Variants in TUBGCP4 observed in about 807,000 individuals in gnomAD.
TUBGCP4 encodes gamma-tubulin complex component 4.
TUBGCP4 carries 54 observed loss-of-function variants against 91.6 expected under a neutral mutation model. The ratio of observed to expected loss-of-function variants is 0.59; its 90% CI spans 0.47 to 0.74. The LOEUF is 0.74. TUBGCP4 is among the 30% of genes least tolerant of loss of function. The probability of loss-of-function intolerance (pLI) is 0.00; values close to 1 mark genes in which losing one functional copy is unlikely to be tolerated. For missense variants in TUBGCP4, 593 were observed against 800.9 expected (o/e 0.74, Z 3.13); for synonymous variants, 297 against 302.8 (o/e 0.98, Z 0.20).
intron 15 of TUBGCP4, chr15:43,402,470 GA>G (rs1191045676): frequency 6.6e-6 from 1 of 152,500 alleles, no homozygotes; most frequent in Admixed American, 6.5e-5. Context: ...AAAAACCAAT[GA>G]AAAGCATATA....
chr15:43,378,779 A>G (rs753761420), intron 5 of TUBGCP4, among the ~76,000 whole-genome samples: 3 of 152,230 alleles, frequency 2.0e-5, no homozygotes, highest in Non-Finnish European at 4.4e-5. Flanking sequence ...GCACTGTGCT[A>G]AGTGCTTTAA....
intron 5 of TUBGCP4, among the ~76,000 whole-genome samples, chr15:43,379,413 G>A (rs1469277870): frequency 2.6e-5 from 4 of 152,094 alleles, no homozygotes; most frequent in South Asian, 2.1e-4. Flanking sequence ...AGGCCGAGGC[G>A]GGCGGACCAC....
At chr15:43,404,014 T>G (rs1037754927) in intron 16 of TUBGCP4, 8 of 568,878 alleles carry the variant, frequency 1.4e-5, no homozygotes, top group African/African-American at 1.3e-4. Flanking sequence ...CAGTCCTGAA[T>G]AGTTTATTCA....
intron 17 of TUBGCP4, 27 bp from the exon 18 acceptor site, chr15:43,405,175 T>G: frequency 6.2e-7 from 1 of 1,613,978 alleles, no homozygotes; most frequent in South Asian, 1.1e-5. Flanking sequence ...GCATGACACT[T>G]AATAAGGCTC....
chr15:43,383,849 G>T (rs1039336921), intron 7 of TUBGCP4, among the ~76,000 whole-genome samples: 1 of 151,876 alleles, frequency 6.6e-6, no homozygotes, highest in African/African-American at 2.4e-5. Flanking sequence ...CGCCCAGGCT[G>T]GAGTGCGATG....
In TUBGCP4 at chr15:43,400,109, G is replaced by T; in HGVS notation, c.1484G>T (p.Trp495Leu). The part of the protein sequence containing the change: ...RRVQAELQHC[W>L]ALQMQRKHLK... The stretch of plus-strand genomic sequence containing the variant: ...GTGCAAGCTGAGCTGCAGCACTGCT[G>T]GGCCCTACAAATGCAGCGCAAGCAC... The change falls in exon 14 of 18, where the codon TGG becomes TTG. Residue 495 changes from tryptophan to leucine, a missense_variant. Physicochemically the swap from Trp to Leu is moderately conservative, Grantham distance 61. Transcript: ENST00000564079. 6.2e-7 allele frequency: 1 copy of T among 1,614,174 alleles called. No individual in the cohort carries two copies. Among genetic ancestry groups the T allele is most frequent in the Non-Finnish European group, 8.5e-7 (1 of 1,180,026 alleles).
In TUBGCP4 at chr15:43,409,116, G is replaced by A. The variant is rs374117172; in HGVS notation, c.*3902G>A. ...GTTACACTGCAAGAAAAGAAGCAGA[G>A]CCAATGGGTTTGGTGACTTCTGTGG... On this transcript the variant is annotated 3_prime_UTR_variant, in exon 18 of 18. Transcript: ENST00000564079. 3.7e-6 allele frequency: 6 copies of A among 1,612,596 alleles called. No homozygotes were observed. Among genetic ancestry groups the A allele is most frequent in the African/African-American group, 1.3e-5 (1 of 74,902 alleles).
chr15:43,398,993 T>C (rs1409652339), intron 13 of TUBGCP4: 1 of 349,168 alleles, frequency 2.9e-6, no homozygotes, highest in East Asian at 8.0e-5. Flanking sequence ...TTATAATCCC[T>C]TATAATATCC....
In TUBGCP4 at chr15:43,387,007, G is replaced by A. The variant is rs142755671; in HGVS notation, c.1014+677G>A. Among the ~76,000 whole-genome samples, 558 of 152,246 alleles carry A rather than the reference G, an allele frequency of 3.7e-3. 3 individuals carry two copies. Among genetic ancestry groups the A allele is most frequent in the African/African-American group, 0.012 (519 of 41,532 alleles). On this transcript the variant is annotated intron_variant, in intron 9 of 17. Transcript: ENST00000564079. ...TCAGCATTTTGGATCTGTCTCTATC[G>A]TTTGCAATAACTCCTAGGAATCAAC... is the stretch of plus-strand genomic sequence containing the variant.
chr15:43,405,116 G>C, intron 17 of TUBGCP4, 86 bp from the exon 18 acceptor site: 1 of 1,474,070 alleles, frequency 6.8e-7, no homozygotes, highest in Admixed American at 1.7e-5. Context: ...ACATTATTTA[G>C]ATCACAGGTT....
In TUBGCP4 at chr15:43,408,544, C is replaced by T. The variant is rs1277550642; in HGVS notation, c.*3330C>T. ...CTTCTTTCTATGAATGATCTGTATT[C>T]CTTGCATTCCTGGCTTTCTAATTTC... is the stretch of plus-strand genomic sequence containing the variant. On this transcript the variant is annotated 3_prime_UTR_variant, in exon 18 of 18. Coordinates refer to ENST00000564079, the MANE Select transcript of TUBGCP4 (RefSeq NM_014444.5). The T allele has an allele frequency of 3.2e-6, 1 of 312,800 alleles. No individual in the cohort carries two copies. Among genetic ancestry groups the T allele is most frequent in the Non-Finnish European group, 6.1e-6 (1 of 164,504 alleles). The allele number at this position is 312,800 out of a possible 1,614,324, so 19.4% of individuals were successfully genotyped here. A position where few individuals can be genotyped will look rare whatever the true frequency, so the allele number is the denominator to read the frequency against.
In TUBGCP4 at chr15:43,409,713, C is replaced by G; in HGVS notation, c.*4499C>G. 4.5e-6 allele frequency: 7 copies of G among 1,560,316 alleles called. No homozygotes were observed. The highest frequency in any genetic ancestry group is 6.1e-6 in the Non-Finnish European group (7 of 1,155,250). On this transcript the variant is annotated 3_prime_UTR_variant, in exon 18 of 18. Transcript: ENST00000564079. ...CTCGAAGCTGGGATTCTGTATACTG[C>G]TTGTTGAAAGGAGGAATTTCCAAAA...
chr15:43,397,000 A>C (rs531976908), intron 11 of TUBGCP4, among the ~76,000 whole-genome samples: 38 of 152,204 alleles, frequency 2.5e-4, no homozygotes, highest in Non-Finnish European at 5.1e-4. Context: ...GAAATATGTG[A>C]ACTGTACTGA....
chr15:43,384,295 T>C (rs1335851990), intron 7 of TUBGCP4, among the ~76,000 whole-genome samples: 1 of 152,188 alleles, frequency 6.6e-6, no homozygotes, highest in East Asian at 1.9e-4. Flanking sequence ...GCTCATAGTT[T>C]AGGGGAAGAG....
chr15:43,375,535 T>G (rs1185434729), intron 1 of TUBGCP4, among the ~76,000 whole-genome samples: 1 of 152,240 alleles, frequency 6.6e-6, no homozygotes, highest in Non-Finnish European at 1.5e-5. Context: ...TGGCTTTCAT[T>G]TAAATTAAAA....
At chr15:43,392,682 T>C (rs2044496941) in intron 9 of TUBGCP4, among the ~76,000 whole-genome samples, 1 of 151,966 alleles carries the variant, frequency 6.6e-6, no homozygotes, top group African/African-American at 2.4e-5. Flanking sequence ...TATTTTTAGT[T>C]GAGATGGGGT....
chr15:43,376,439 A>C (rs564709743), intron 2 of TUBGCP4, 64 bp from the exon 3 acceptor site: 1 of 1,613,968 alleles, frequency 6.2e-7, no homozygotes, highest in Admixed American at 1.7e-5. Flanking sequence ...AACAAGCCTG[A>C]TAATGTCTTT....
chr15:43,403,955 A>AT, intron 16 of TUBGCP4, 156 bp downstream of exon 16: 1 of 612,908 alleles, frequency 1.6e-6, no homozygotes, highest in South Asian at 1.9e-5. Flanking sequence ...GTATCAGTTG[A>AT]TTTTGAAGCA....
chr15:43,395,027 C>T lies in TUBGCP4; in HGVS notation c.1015-80C>T, dbSNP rs932099951. The T allele has an allele frequency of 3.4e-6, 5 of 1,484,806 alleles. No individual in the cohort carries two copies. In the African/African-American group the frequency reaches 5.5e-5, roughly 16 times the overall value. 92.0% of individuals were successfully genotyped at this position (1,484,806 alleles called of 1,614,324 possible). ...GGTATAGTCTTCTTTTAATACATTG[C>T]TGGATTTGTATGGAACCATTCTTTG... On this transcript the variant is annotated intron_variant, in intron 9 of 17. Transcript: ENST00000564079.
Sources: gnomAD v4.1 joint callset for allele counts (sites outside exome capture counted in the v4.1 genomes callset) on GRCh38, gnomAD v4.1.1 for gene constraint, MANE v1.5 for transcripts, NCBI Gene and HGNC (gene_info 2026-07-23, HGNC 2026-07-21) for gene names.